The following TRPM5 variants were observed in gnomAD, a reference collection of about 807,000 sequenced individuals.
The protein encoded by TRPM5 is MLSN1 and TRP-related.
Under a neutral mutation model 124.9 loss-of-function variants are expected in TRPM5, and 121 were observed. The observed-to-expected ratio is 0.97, with a 90% CI of 0.84 to 1.13. The LOEUF is 1.13. Ranked by LOEUF, TRPM5 falls within the 50% of genes most tolerant of loss-of-function variation. The pLI is 0.00. For synonymous variants in TRPM5, 781 were observed against 700.5 expected (o/e 1.11, Z -1.81); for missense variants, 1,643 against 1,589.1 (o/e 1.03, Z -0.58).
intron 16 of TRPM5, 38 bp downstream of exon 21, chr11:2,412,097 G>T: frequency 6.4e-7 from 1 of 1,563,404 alleles, no homozygotes. Context: ...CTGCCCACAA[G>T]CCGCCCTGAG....
At chr11:2,441,350 G>T in the TRPM5 span, among the ~76,000 whole-genome samples, 13 of 152,194 alleles carry the variant, frequency 8.5e-5, no homozygotes, top group African/African-American at 3.1e-4. This position sits in a 1 kb window ranked among gnomAD's most constrained non-coding sequence, Gnocchi z 7.2. Context: ...CACTGGGCTC[G>T]GTCAGGCCCC....
chr11:2,413,066 A>G (rs1418918474), intron 14 of TRPM5, 54 bp from the exon 20 acceptor site: 1 of 1,548,452 alleles, frequency 6.5e-7, no homozygotes. Flanking sequence ...CGGGTGCCCC[A>G]CCAGAGTCCA....
rs1268364172 is a variant in TRPM5, at chr11:2,421,184, T to A, written c.313A>T (p.Thr105Ser). The A allele has an allele frequency of 1.9e-6, 3 of 1,539,710 alleles. No homozygotes were observed. In the African/African-American group the frequency reaches 4.1e-5, roughly 21 times the overall value. Reference sequence around the variant, plus strand: ...GCCAGGCCCACGCGGAGGGCACTGGTCAGGATCCAGGCTCCTGTGGGGATG... The same window carrying A: ...GCCAGGCCCACGCGGAGGGCACTGGACAGGATCCAGGCTCCTGTGGGGATG... The change falls in exon 3 of 24, where the codon ACC becomes TCC. Residue 105 changes from threonine (T) to serine (S), a missense_variant. By Grantham distance (58) the Thr-to-Ser change is moderately conservative. Transcript: ENST00000155858.
At chr11:2,406,442 A>G (rs1212776253) in intron 21 of TRPM5, among the ~76,000 whole-genome samples, 1 of 152,184 alleles carries the variant, frequency 6.6e-6, no homozygotes, top group East Asian at 1.9e-4. Flanking sequence ...GGAGGGCGCC[A>G]CGGTCACTGT....
exon 1 of TRPM5, chr11:2,423,003 G>A (rs1180341467): frequency 1.2e-6 from 2 of 1,612,780 alleles, no homozygotes; most frequent in Non-Finnish European, 1.7e-6. Context: ...GCATCCCCGG[G>A]GCTTCCGGGA....
intron 2 of TRPM5, 103 bp from the exon 8 acceptor site, chr11:2,421,301 G>A: frequency 5.8e-6 from 8 of 1,387,576 alleles, no homozygotes; most frequent in Non-Finnish European, 7.6e-6. Context: ...AGTTACCTGG[G>A]AGCCAGGGGT....
At chr11:2,407,656 C>T (rs551606412) in intron 19 of TRPM5, 103 bp downstream of exon 24, 8 of 1,463,256 alleles carry the variant, frequency 5.5e-6, no homozygotes, top group Middle Eastern at 1.9e-4. Context: ...AAGCCTCACC[C>T]TCTGCAGCAC....
rs756084794 is a variant in TRPM5, at chr11:2,412,741, T to A, written c.2355+13A>T. 26 of 1,579,354 alleles carry A rather than the reference T, an allele frequency of 1.6e-5. 1 individual carries two copies. The South Asian group carries it at 2.9e-4, about 18-fold the overall frequency. The stretch of plus-strand genomic sequence containing the variant: ...GCAGAGTGGAGGGGACCTAGGCTAG[T>A]GTGGCCACCGACCTGCCGGATTTCC... On this transcript the variant is annotated intron_variant, in intron 15 of 23. Coordinates refer to ENST00000155858, the Ensembl canonical transcript of TRPM5.
At chr11:2,415,178 C>T in exon 9 of TRPM5, 1 of 1,584,940 alleles carries the variant, frequency 6.3e-7, no homozygotes, top group Non-Finnish European at 8.6e-7. Flanking sequence ...AGGCGTCCTG[C>T]AGGAAGTCCT....
exon 12 of TRPM5, chr11:2,414,106 G>A (rs889063220): frequency 3.1e-6 from 5 of 1,598,254 alleles, no homozygotes; most frequent in Non-Finnish European, 3.4e-6. Context: ...CAGCCTCGGT[G>A]GCCAGGTGCA....
rs566185923 is a variant in TRPM5 at position 2,407,080 on chromosome 11, C to T, written c.3118+39G>A. The stretch of plus-strand genomic sequence containing the variant: ...AGCCCCGCCCTGGGACCCGCCACCT[C>T]GGCCTCACCCAGGTGCTCCCGCTTG... On this transcript the variant is annotated intron_variant, in intron 20 of 23. Transcript: ENST00000155858. The T allele has an allele frequency of 1.4e-3, 1,428 of 1,010,402 alleles. 2 individuals are homozygous for T. Among genetic ancestry groups the T allele is most frequent in the Admixed American group, 1.8e-3 (64 of 36,288 alleles). The allele number at this position is 1,010,402 out of a possible 1,614,324, so 62.6% of individuals were successfully genotyped here.
At chr11:2,418,572 G>T in exon 5 of TRPM5, 1 of 1,611,684 alleles carries the variant, frequency 6.2e-7, no homozygotes, top group Non-Finnish European at 8.5e-7. Flanking sequence ...AGAGGACAGG[G>T]ATCTCGATGC....
chr11:2,423,822 C>T (rs561048543), upstream of TRPM5, among the ~76,000 whole-genome samples: 3 of 152,338 alleles, frequency 2.0e-5, no homozygotes, highest in East Asian at 5.8e-4. Flanking sequence ...AGGATCGGCA[C>T]TGGCCCCTCA....
upstream of TRPM5, among the ~76,000 whole-genome samples, chr11:2,425,729 A>G (rs901022066): frequency 6.6e-6 from 1 of 151,524 alleles, no homozygotes; most frequent in Non-Finnish European, 1.5e-5. Flanking sequence ...ACGTGTGGAC[A>G]TGTGCCCTGC....
At chr11:2,410,922 G>C (rs1260088682) in intron 18 of TRPM5, among the ~76,000 whole-genome samples, 3 of 152,312 alleles carry the variant, frequency 2.0e-5, no homozygotes, top group East Asian at 1.9e-4. Flanking sequence ...CAGGGGCTGT[G>C]AGGAGAGCTG....
chr11:2,407,073 G>A (rs1007026665), intron 20 of TRPM5, 46 bp downstream of exon 25: 16 of 1,489,348 alleles, frequency 1.1e-5, no homozygotes, highest in South Asian at 2.6e-5. Flanking sequence ...CCTGGGACCC[G>A]CCACCTCGGC....
rs1240219358 is a variant in TRPM5, at chr11:2,414,959, A to G, written c.1568T>C (p.Leu523Pro). ...GTGGCGGTTCTGCAGCACGGCCCAC[A>G]GGAACAGGTCCCGCCAGGGGTTCTC... Residue 523 changes from leucine to proline, a missense_variant, in exon 10 of 24, where the codon CTG becomes CCG. By Grantham distance (98) the Leu-to-Pro change is moderately conservative. Transcript: ENST00000155858. The G allele has an allele frequency of 5.6e-6, 9 of 1,607,860 alleles. No individual in the cohort carries two copies. Among genetic ancestry groups the G allele is most frequent in the Non-Finnish European group, 6.8e-6 (8 of 1,178,978 alleles).
intron 21 of TRPM5, 84 bp downstream of exon 26, chr11:2,406,577 A>G: frequency 6.6e-7 from 1 of 1,506,094 alleles, no homozygotes; most frequent in East Asian, 2.3e-5. Flanking sequence ...TCGCCAGCTC[A>G]GATCCTCTGT....
At chr11:2,438,482 T>C in the TRPM5 span, among the ~76,000 whole-genome samples, 15 of 152,186 alleles carry the variant, frequency 9.9e-5, no homozygotes, top group Admixed American at 3.3e-4. The surrounding 1 kb of genome is among the most constrained non-coding windows in gnomAD (Gnocchi z 5.9). Context: ...CTGGCCAATA[T>C]GGTGAAAACC....
Sources: gnomAD v4.1 joint callset for allele counts (sites outside exome capture counted in the v4.1 genomes callset) on GRCh38, gnomAD v4.1.1 for gene constraint, Gnocchi (gnomAD v3.1) non-coding constraint, MANE v1.5 for transcripts, NCBI Gene and HGNC (gene_info 2026-07-23, HGNC 2026-07-21) for gene names.